The following GSDMC variants were observed in gnomAD, a reference collection of about 807,000 sequenced individuals.
GSDMC encodes the protein gasdermin C.
A neutral mutation model predicts 58.0 loss-of-function variants in GSDMC; 59 were observed. The ratio of observed to expected loss-of-function variants is 1.02; its 90% confidence interval spans 0.82 to 1.26. The LOEUF (loss-of-function observed/expected upper bound fraction) is 1.26, where lower values mean the gene tolerates loss of function less well. Ranked by LOEUF, GSDMC falls within the 50% of genes most tolerant of loss-of-function variation. GSDMC has a pLI of 0.00. For missense variants in GSDMC, 659 were observed against 598.5 expected (o/e 1.10, Z -1.06); for synonymous variants, 241 against 220.2 (o/e 1.09, Z -0.83).
rs2033027277 is a variant in GSDMC at position 129,748,494 on chromosome 8, G to A, written c.*7C>T. 3 of 1,595,604 alleles carry A rather than the reference G, an allele frequency of 1.9e-6. No homozygotes were observed. Among genetic ancestry groups the A allele is most frequent in the Non-Finnish European group, 2.6e-6 (3 of 1,171,736 alleles). ...CATCTCTGGACTGACTGCCCATCAG[G>A]GAGGGCTTAGGCCTCAGCCAGCTGC... On this transcript the variant is annotated 3_prime_UTR_variant, in exon 14 of 14. Transcript: ENST00000276708.
downstream of GSDMC, among the ~76,000 whole-genome samples, chr8:129,746,557 A>T (rs1202322591): frequency 6.6e-6 from 1 of 152,256 alleles, no homozygotes; most frequent in African/African-American, 2.4e-5. Context: ...CTGAAAGGAA[A>T]AAATGAATCT....
At chr8:129,742,312 T>C in the GSDMC span, among the ~76,000 whole-genome samples, 1 of 152,122 alleles carries the variant, frequency 6.6e-6, no homozygotes, top group South Asian at 2.1e-4. Context: ...GTGATAGATA[T>C]ATTAATGTGC....
Position 129,750,571 on chromosome 8 carries a change from CT to C in GSDMC, c.944-2del. The C allele has an allele frequency of 1.2e-6, 2 of 1,613,760 alleles. No individual in the cohort carries two copies. Among genetic ancestry groups the C allele is most frequent in the South Asian group, 2.2e-5 (2 of 90,992 alleles). On this transcript the variant is annotated splice_acceptor_variant, in intron 10 of 13. Coordinates refer to ENST00000276708, the MANE Select transcript of GSDMC (RefSeq NM_031415.3). LOFTEE classifies it high-confidence loss of function. ...ACCTCCTCTTGTAGATGCTTGAAAT[CT>C]GCTCTCAGGCATCAACGCCGACCAG...
chr8:129,747,310 C>T (rs941630054), downstream of GSDMC, among the ~76,000 whole-genome samples: 17 of 151,416 alleles, frequency 1.1e-4, no homozygotes, highest in South Asian at 2.1e-4. Context: ...ATGAGGGATA[C>T]GGTTACACTC....
the GSDMC span, among the ~76,000 whole-genome samples, chr8:129,708,166 T>C: frequency 6.6e-6 from 1 of 152,210 alleles, no homozygotes; most frequent in Non-Finnish European, 1.5e-5. Flanking sequence ...TTTAAGACTG[T>C]GGCAGCAGGG....
At chr8:129,783,668 A>G (rs1407524883) in intron 1 of GSDMC, among the ~76,000 whole-genome samples, 1 of 152,224 alleles carries the variant, frequency 6.6e-6, no homozygotes, top group Non-Finnish European at 1.5e-5. Context: ...CATACTATCC[A>G]AAGCAATCTT....
chr8:129,711,902 C>T, the GSDMC span, among the ~76,000 whole-genome samples: 22 of 152,156 alleles, frequency 1.4e-4, no homozygotes, highest in African/African-American at 5.1e-4. Context: ...ATTGGGATTT[C>T]GATCCAGGTA....
At chr8:129,734,042 C>T in the GSDMC span, among the ~76,000 whole-genome samples, 34 of 152,248 alleles carry the variant, frequency 2.2e-4, no homozygotes, top group African/African-American at 7.9e-4. Context: ...CAATCTTCAA[C>T]AGCCGATTCA....
intron 3 of GSDMC, among the ~76,000 whole-genome samples, chr8:129,771,016 T>TA (rs2034029637): frequency 6.7e-6 from 1 of 149,976 alleles, no homozygotes; most frequent in Non-Finnish European, 1.5e-5. Context: ...GACACATTTT[T>TA]TTATATATAT....
chr8:129,762,002 G>A (rs1155761), intron 5 of GSDMC, among the ~76,000 whole-genome samples: 1 of 152,138 alleles, frequency 6.6e-6, no homozygotes, highest in Non-Finnish European at 1.5e-5. Flanking sequence ...TGGGAAGGGA[G>A]AAAACAAGGA....
At chr8:129,767,472 A>T (rs998961955) in intron 3 of GSDMC, among the ~76,000 whole-genome samples, 1 of 152,088 alleles carries the variant, frequency 6.6e-6, no homozygotes, top group Non-Finnish European at 1.5e-5. Context: ...ACCCTGCCTC[A>T]TGAAGGAGCC....
chr8:129,728,558 G>A, the GSDMC span, among the ~76,000 whole-genome samples: 1 of 152,196 alleles, frequency 6.6e-6, no homozygotes, highest in Non-Finnish European at 1.5e-5. Flanking sequence ...TACCCCCAAT[G>A]AGCACCACCT....
chr8:129,765,886 G>T, intron 3 of GSDMC, 93 bp from the exon 4 acceptor site: 1 of 982,114 alleles, frequency 1.0e-6, no homozygotes, highest in Non-Finnish European at 1.5e-6. Context: ...GACCTGGGAG[G>T]GGTGCAATGG....
the GSDMC span, among the ~76,000 whole-genome samples, chr8:129,741,913 GTAATATATATATATATATATATATA>G: frequency 1.5e-5 from 1 of 67,386 alleles, no homozygotes; most frequent in Non-Finnish European, 2.4e-5. Context: ...TAAAGAAAAT[GTAATATATATATATATATATATATA>G]CATGAAATAA....
chr8:129,741,915 A>ATATATATATATATATAT, the GSDMC span, among the ~76,000 whole-genome samples: 1 of 126,260 alleles, frequency 7.9e-6, no homozygotes, highest in Non-Finnish European at 1.6e-5. Flanking sequence ...AAGAAAATGT[A>ATATATATATATATATAT]ATATATATAT....
Position 129,751,551 on chromosome 8 carries a change from A to G in GSDMC, c.934T>C (p.Phe312Leu), listed in dbSNP as rs778726000. The change falls in exon 10 of 14, where the codon TTC becomes CTC. Residue 312 changes from phenylalanine (F) to leucine (L), a missense_variant. Phe to Leu is a conservative substitution (Grantham distance 22). Coordinates refer to ENST00000276708, the MANE Select transcript of GSDMC (RefSeq NM_031415.3). ...ILPVGRIEEP[F>L]WQNFKHLQEE... ...CTTAATAAATACTTACTTTGCCAGA[A>G]GGGTTCCTCTATTCTTCCTAGAAGG... is the stretch of plus-strand genomic sequence containing the variant. 6.2e-7 allele frequency: 1 copy of G among 1,611,658 alleles called. No homozygotes were observed. The highest frequency in any genetic ancestry group is 8.5e-7 in the Non-Finnish European group (1 of 1,178,648).
intron 5 of GSDMC, 25 bp downstream of exon 5, chr8:129,762,601 C>T (rs2033709063): frequency 1.4e-6 from 2 of 1,429,146 alleles, no homozygotes; most frequent in Non-Finnish European, 2.0e-6. Context: ...CTGCCATCTG[C>T]CTTGCTGAGC....
intron 3 of GSDMC, 152 bp from the exon 4 acceptor site, chr8:129,765,945 T>A: frequency 1.6e-6 from 1 of 615,328 alleles, no homozygotes; most frequent in South Asian, 2.0e-5. Flanking sequence ...GGCAGCAGAA[T>A]GTTTTATCTG....
At chr8:129,740,232 T>C in the GSDMC span, among the ~76,000 whole-genome samples, 1 of 152,144 alleles carries the variant, frequency 6.6e-6, no homozygotes, top group East Asian at 1.9e-4. Flanking sequence ...GCTAAGTTCA[T>C]TGTTGAAGAA....
Sources: allele counts gnomAD v4.1 joint callset (sites outside exome capture counted in the v4.1 genomes callset), GRCh38; gene constraint gnomAD v4.1.1; transcripts MANE v1.5; gene names NCBI Gene and HGNC (gene_info 2026-07-23, HGNC 2026-07-21).